The following LIM2 variants were observed in gnomAD, a reference collection of about 807,000 sequenced individuals.
LIM2 encodes lens fiber membrane intrinsic protein.
Under a neutral mutation model 19.0 loss-of-function variants are expected in LIM2, and 14 were observed. That is an observed-to-expected ratio of 0.74 (90% confidence interval 0.49 to 1.15). The LOEUF (loss-of-function observed/expected upper bound fraction) is 1.15, where lower values mean the gene tolerates loss of function less well. Ranked by LOEUF, LIM2 falls within the 50% of genes most tolerant of loss-of-function variation. LIM2 has a pLI of 0.00. For missense variants in LIM2, 230 were observed against 243.5 expected, an observed-to-expected ratio of 0.94 and a Z score of 0.37; for synonymous variants, 78 against 89.6, an observed-to-expected ratio of 0.87 and a Z score of 0.73.
intron 2 of LIM2, among the ~76,000 whole-genome samples, chr19:51,386,059 A>G (rs1425166437): frequency 1.3e-5 from 2 of 152,164 alleles, no homozygotes; most frequent in Non-Finnish European, 2.9e-5. Flanking sequence ...TAAGCACTCA[A>G]TCAATGCCAG....
At chr19:51,382,390 G>C (rs1261568131) in intron 3 of LIM2, 28 bp downstream of exon 3, 5 of 1,613,042 alleles carry the variant, frequency 3.1e-6, no homozygotes, top group Admixed American at 1.7e-5. Context: ...AGCGAGGAGA[G>C]GGGTAGGGAG....
chr19:51,387,816 G>A (rs1599865386), intron 1 of LIM2, 103 bp downstream of exon 1: 2 of 316,024 alleles, frequency 6.3e-6, no homozygotes, highest in Non-Finnish European at 1.2e-5. Flanking sequence ...GGGGCTAGGG[G>A]CTAGGGGGTA....
At chr19:51,387,541 C>T in intron 1 of LIM2, 92 bp from the exon 2 acceptor site, 1 of 1,563,758 alleles carries the variant, frequency 6.4e-7, no homozygotes, top group Non-Finnish European at 8.7e-7. Context: ...AGTGGGATGC[C>T]AAGTGCTTGG....
At chr19:51,384,380 A>G (rs1047990341) in intron 2 of LIM2, among the ~76,000 whole-genome samples, 7 of 152,292 alleles carry the variant, frequency 4.6e-5, no homozygotes, top group East Asian at 3.9e-4. Context: ...GCAGTGAGCC[A>G]AGATCATTCC....
chr19:51,385,615 C>G (rs1011888333), intron 2 of LIM2, among the ~76,000 whole-genome samples: 1 of 152,176 alleles, frequency 6.6e-6, no homozygotes, highest in Non-Finnish European at 1.5e-5. Flanking sequence ...AGAGATAAGA[C>G]AGAGAGGTGG....
chr19:51,386,377 G>A (rs984607521), intron 2 of LIM2, among the ~76,000 whole-genome samples: 3 of 150,680 alleles, frequency 2.0e-5, no homozygotes, highest in Non-Finnish European at 4.4e-5. Flanking sequence ...GCCCACCTCA[G>A]CCTCCCGAAG....
intron 2 of LIM2, among the ~76,000 whole-genome samples, chr19:51,386,643 CAATAT>C (rs1396842919): frequency 1.4e-5 from 2 of 147,930 alleles, no homozygotes; most frequent in Non-Finnish European, 3.0e-5. Flanking sequence ...ATATTATATA[CAATAT>C]ATTATGTATT....
chr19:51,381,889 CTAATTTTGTTTTG>C (rs1302874291), intron 3 of LIM2, among the ~76,000 whole-genome samples: 2 of 152,164 alleles, frequency 1.3e-5, no homozygotes, highest in Non-Finnish European at 2.9e-5. Flanking sequence ...CCACGCCTGG[CTAATTTTGTTTTG>C]TATTTTTAGT....
chr19:51,382,440 A>G lies in LIM2; in HGVS notation c.303T>C (p.Ala101=), dbSNP rs150614696. Residue 101 remains alanine (A), a synonymous_variant, in exon 3 of 5, where the codon GCT becomes GCC. Transcript: ENST00000596399. The stretch of plus-strand genomic sequence containing the variant: ...CACTTGAGGAAAAAAACATGATGCC[A>G]GCAGAGAAGGGCCGGGAGATGCGGG... ...TFSRISRPFS[A]GIMFFSSTLF... is the part of the protein sequence containing the mutation. 24 of 1,613,918 alleles carry G rather than the reference A, an allele frequency of 1.5e-5. No individual in the cohort carries two copies. The African/African-American group carries it at 2.8e-4, about 19-fold the overall frequency.
intron 2 of LIM2, 55 bp from the exon 3 acceptor site, chr19:51,382,622 G>A: frequency 3.1e-6 from 5 of 1,607,576 alleles, no homozygotes; most frequent in Non-Finnish European, 4.3e-6. Context: ...AGTGAGAGAT[G>A]CTGCTACCTC....
At chr19:51,383,034 T>C (rs1218340692) in intron 2 of LIM2, among the ~76,000 whole-genome samples, 7 of 121,314 alleles carry the variant, frequency 5.8e-5, no homozygotes, top group Non-Finnish European at 8.1e-5. Context: ...TTTCTTTTTT[T>C]TTTTTTTTTT....
At chr19:51,386,992 C>T (rs1256604520) in intron 2 of LIM2, 6 of 698,508 alleles carry the variant, frequency 8.6e-6, no homozygotes, top group African/African-American at 3.5e-5. Context: ...AATGCTGTTT[C>T]GTGACACTAG....
At chr19:51,385,607 A>T (rs1414719411) in intron 2 of LIM2, among the ~76,000 whole-genome samples, 1 of 152,218 alleles carries the variant, frequency 6.6e-6, no homozygotes, top group Non-Finnish European at 1.5e-5. Context: ...TCCCTGGCAG[A>T]GATAAGACAG....
rs768072454 is a variant in LIM2, at chr19:51,380,467, C to T, written c.460+38G>A. The T allele has an allele frequency of 1.9e-5, 30 of 1,613,148 alleles. No individual in the cohort carries two copies. The South Asian group carries it at 3.0e-4, about 16-fold the overall frequency. On this transcript the variant is annotated intron_variant, in intron 4 of 4. Coordinates refer to ENST00000596399, the MANE Select transcript of LIM2 (RefSeq NM_001161748.2). ...TCCACTCTATCTGCTGCCCACTCTG[C>T]CCCAGGCACTGACCTTCCCACCCCT...
At chr19:51,383,027 CTTTTTTTTTTTT>C (rs1163859181) in intron 2 of LIM2, among the ~76,000 whole-genome samples, 2 of 88,302 alleles carry the variant, frequency 2.3e-5, no homozygotes, top group African/African-American at 4.4e-5. Flanking sequence ...TTTTTCTTTT[CTTTTTTTTTTTT>C]TTTTTTTTTT....
At position 51,380,185 on chromosome 19, in the gene LIM2, G is replaced by A. The variant is rs1986855077; in HGVS notation, c.*16C>T. On this transcript the variant is annotated 3_prime_UTR_variant, in exon 5 of 5. Coordinates refer to ENST00000596399, the MANE Select transcript of LIM2 (RefSeq NM_001161748.2). ...TCACTTTAACTTCCAGATGAAGTTG[G>A]GGGACACATTTGGGCTCAGCGGGGT... 1 of 1,612,924 alleles carries A rather than the reference G, an allele frequency of 6.2e-7. No homozygotes were observed. Among genetic ancestry groups the A allele is most frequent in the East Asian group, 2.2e-5 (1 of 44,864 alleles).
Position 51,380,110 on chromosome 19 carries a change from A to G in LIM2, c.*91T>C. On this transcript the variant is annotated 3_prime_UTR_variant, in exon 5 of 5. Coordinates refer to ENST00000596399, the MANE Select transcript of LIM2 (RefSeq NM_001161748.2). ...CAGAACTGAGCCCCCTCATTCCCCTAGGAACCAGGATTTCAGGCCTCTAGA... is the reference window on the plus strand; with the variant it reads ...CAGAACTGAGCCCCCTCATTCCCCTGGGAACCAGGATTTCAGGCCTCTAGA... 1 of 1,221,586 alleles carries G rather than the reference A, an allele frequency of 8.2e-7. No individual in the cohort carries two copies. Among genetic ancestry groups the G allele is most frequent in the Non-Finnish European group, 1.2e-6 (1 of 840,776 alleles). The allele number at this position is 1,221,586 out of a possible 1,614,324, so 75.7% of individuals were successfully genotyped here.
At chr19:51,381,433 A>G (rs1986890497) in intron 3 of LIM2, among the ~76,000 whole-genome samples, 1 of 152,182 alleles carries the variant, frequency 6.6e-6, no homozygotes, top group Non-Finnish European at 1.5e-5. Context: ...TCCATCAATG[A>G]CCAACGATTC....
chr19:51,387,208 G>A, intron 2 of LIM2, 61 bp downstream of exon 2: 1 of 1,614,192 alleles, frequency 6.2e-7, no homozygotes, highest in Non-Finnish European at 8.5e-7. Flanking sequence ...GTGTCCTTGG[G>A]CCCCGAGGTC....
Sources: gnomAD v4.1 joint callset for allele counts (sites outside exome capture counted in the v4.1 genomes callset) on GRCh38, gnomAD v4.1.1 for gene constraint, MANE v1.5 for transcripts, NCBI Gene and HGNC (gene_info 2026-07-23, HGNC 2026-07-21) for gene names.